The following CTNNA3 variants were observed in gnomAD, a reference collection of about 807,000 sequenced individuals.
CTNNA3 encodes catenin alpha 3.
Under a neutral mutation model 95.7 loss-of-function variants are expected in CTNNA3, and 76 were observed. The ratio of observed to expected loss-of-function variants is 0.79; its 90% CI spans 0.66 to 0.96. The LOEUF is 0.96. Among genes scored for constraint, CTNNA3 ranks in the 40% least tolerant of loss-of-function variants. CTNNA3 has a pLI of 0.00. For synonymous variants in CTNNA3, 431 were observed against 374.4 expected (o/e 1.15, Z -1.74); for missense variants, 1,191 against 1,089.8 (o/e 1.09, Z -1.31).
intron 17 of CTNNA3, among the ~76,000 whole-genome samples, chr10:65,952,858 A>G (rs1195897699): frequency 1.3e-5 from 2 of 152,104 alleles, no homozygotes; most frequent in African/African-American, 4.8e-5. Flanking sequence ...AGTTTTATTT[A>G]TCATCCAGTT....
chr10:66,855,519 A>C (rs4378284), intron 7 of CTNNA3, among the ~76,000 whole-genome samples: 113,188 of 151,692 alleles, frequency 0.75, 42,497 homozygotes, highest in Admixed American at 0.84. Context: ...TTTCTCTGTC[A>C]TAGTCTCCTG....
chr10:65,928,610 G>T (rs1203699330), intron 17 of CTNNA3, among the ~76,000 whole-genome samples: 1 of 152,136 alleles, frequency 6.6e-6, no homozygotes. Context: ...ATTATTAAGT[G>T]CAGAAACCAC....
At chr10:66,487,685 A>C (rs935455857) in intron 11 of CTNNA3, among the ~76,000 whole-genome samples, 2 of 152,176 alleles carry the variant, frequency 1.3e-5, no homozygotes, top group Admixed American at 1.3e-4. Context: ...TATACAATTT[A>C]TTATTTGTCA....
At chr10:66,926,060 G>C (rs1043619690) in intron 7 of CTNNA3, 1 of 457,130 alleles carries the variant, frequency 2.2e-6, no homozygotes, top group African/African-American at 2.0e-5. Context: ...CTTTCAGAAT[G>C]ACAGTCTGCA....
At chr10:66,605,534 A>G (rs1359230684) in intron 10 of CTNNA3, among the ~76,000 whole-genome samples, 1 of 152,172 alleles carries the variant, frequency 6.6e-6, no homozygotes, top group Non-Finnish European at 1.5e-5. Context: ...AAAATGAAAG[A>G]AAAAATGTTA....
chr10:66,509,913 A>T (rs888641188), intron 11 of CTNNA3, among the ~76,000 whole-genome samples: 3 of 151,854 alleles, frequency 2.0e-5, no homozygotes, highest in Non-Finnish European at 4.4e-5. Context: ...CAATTTTAGG[A>T]TGTTTTTCCA....
At chr10:67,514,719 T>TG (rs1443223429) in intron 5 of CTNNA3, among the ~76,000 whole-genome samples, 3 of 138,182 alleles carry the variant, frequency 2.2e-5, no homozygotes, top group Non-Finnish European at 4.5e-5. Flanking sequence ...TTGTTTTTGT[T>TG]GTTTTTTTTT....
chr10:67,297,564 T>C (rs936000274), intron 5 of CTNNA3, among the ~76,000 whole-genome samples: 6 of 152,192 alleles, frequency 3.9e-5, no homozygotes, highest in African/African-American at 1.2e-4. Context: ...TCCTTCTCTG[T>C]TAACATATCA....
chr10:66,177,490 G>GA (rs1410683268), intron 13 of CTNNA3, among the ~76,000 whole-genome samples: 1 of 150,710 alleles, frequency 6.6e-6, no homozygotes, highest in Non-Finnish European at 1.5e-5. Flanking sequence ...TCACAATTTT[G>GA]AAAAAAAAGA....
At chr10:67,168,735 C>T (rs1370284263) in intron 7 of CTNNA3, among the ~76,000 whole-genome samples, 21 of 152,208 alleles carry the variant, frequency 1.4e-4, no homozygotes, top group Admixed American at 1.4e-3. Flanking sequence ...GATAAGAATG[C>T]TCTCTTGCCA....
chr10:67,482,843 G>T (rs1459767638), intron 5 of CTNNA3, among the ~76,000 whole-genome samples: 1 of 152,158 alleles, frequency 6.6e-6, no homozygotes, highest in Non-Finnish European at 1.5e-5. Flanking sequence ...CAAAGGGAAT[G>T]CTTCCAGTTT....
At chr10:67,530,630 T>A (rs1220400194) in intron 4 of CTNNA3, among the ~76,000 whole-genome samples, 2 of 152,108 alleles carry the variant, frequency 1.3e-5, no homozygotes, top group African/African-American at 4.8e-5. Context: ...TTTGGAAAAT[T>A]TGCAACCTGA....
At chr10:67,576,280 T>C (rs551865368) in intron 3 of CTNNA3, among the ~76,000 whole-genome samples, 1 of 152,198 alleles carries the variant, frequency 6.6e-6, no homozygotes, top group Non-Finnish European at 1.5e-5. Context: ...CAGGTTTAAT[T>C]TTAAGCCTTG....
At chr10:66,185,991 A>C (rs759965155) in intron 13 of CTNNA3, among the ~76,000 whole-genome samples, 1 of 152,002 alleles carries the variant, frequency 6.6e-6, no homozygotes. Context: ...ACACATACAC[A>C]CATATAAAAA....
chr10:66,990,482 G>A (rs534368195), intron 7 of CTNNA3, among the ~76,000 whole-genome samples: 5 of 152,250 alleles, frequency 3.3e-5, no homozygotes, highest in East Asian at 3.9e-4. Flanking sequence ...GTTTGCAGAC[G>A]GAACCTATTT....
At chr10:67,263,276 T>C (rs1476564705) in intron 5 of CTNNA3, among the ~76,000 whole-genome samples, 4 of 152,190 alleles carry the variant, frequency 2.6e-5, no homozygotes, top group African/African-American at 9.6e-5. Context: ...TTGCAGTGAT[T>C]TCAGACCTAG....
chr10:66,543,361 A>G (rs1427533398), intron 10 of CTNNA3, among the ~76,000 whole-genome samples: 1 of 152,146 alleles, frequency 6.6e-6, no homozygotes, highest in Non-Finnish European at 1.5e-5. Flanking sequence ...AAGTGCTGGG[A>G]TTACAGGCGT....
rs1589094707 is a variant in CTNNA3 at position 67,256,670 on chromosome 10, G to A, written c.580-36800C>T. On this transcript the variant is annotated intron_variant, in intron 5 of 17. Transcript: ENST00000433211. ...TTATCTGGGAATTTAACATTGCTTT[G>A]AAAAGTCTCTGAGTGATGTTAGACA... Among the ~76,000 whole-genome samples the A allele has an allele frequency of 2.6e-5, 4 of 152,156 alleles. No homozygotes were observed. The South Asian group carries it at 8.3e-4, about 32-fold the overall frequency.
In CTNNA3 at chr10:66,379,142, A is replaced by C; in HGVS notation, c.1732+10T>G. 1 of 1,608,418 alleles carries C rather than the reference A, an allele frequency of 6.2e-7. No individual in the cohort carries two copies. The highest frequency in any genetic ancestry group is 1.1e-5 in the South Asian group (1 of 90,958). The stretch of plus-strand genomic sequence containing the variant: ...AGAAATTGTGCAGCTGTTATTGGCA[A>C]CTGACTTACCAGTACTTGTAAGGAA... On this transcript the variant is annotated intron_variant, in intron 12 of 17. Coordinates refer to ENST00000433211, the MANE Select transcript of CTNNA3 (RefSeq NM_013266.4).
Sources: gnomAD v4.1 joint callset for allele counts (sites outside exome capture counted in the v4.1 genomes callset) on GRCh38, gnomAD v4.1.1 for gene constraint, MANE v1.5 for transcripts, NCBI Gene and HGNC (gene_info 2026-07-23, HGNC 2026-07-21) for gene names.